The following TRRAP variants were observed in gnomAD, a reference collection of about 807,000 sequenced individuals.
The protein encoded by TRRAP is transformation/transcription domain-associated protein.
TRRAP carries 41 observed loss-of-function variants against 438.8 expected under a neutral mutation model. The observed-to-expected ratio is 0.09, with a 90% confidence interval of 0.07 to 0.12. TRRAP has a LOEUF of 0.12. TRRAP is among the 10% of genes least tolerant of loss of function. The pLI is 1.00. For synonymous variants in TRRAP, 1,994 were observed against 1,962.9 expected (o/e 1.02, Z -0.42); for missense variants, 3,122 against 5,055.1 (o/e 0.62, Z 11.60).
chr7:98,895,106 A>G (rs1213026680), intron 6 of TRRAP, among the ~76,000 whole-genome samples: 12 of 152,098 alleles, frequency 7.9e-5, no homozygotes, highest in African/African-American at 1.9e-4. Context: ...GAGTCTGTCT[A>G]TGTTGCCCAG....
At chr7:98,919,880 C>T (rs1176455001) in intron 20 of TRRAP, among the ~76,000 whole-genome samples, 2 of 152,176 alleles carry the variant, frequency 1.3e-5, no homozygotes, top group East Asian at 3.9e-4. Flanking sequence ...ACAGGGTCAG[C>T]CTCTCCCAGT....
chr7:98,892,622 A>G, intron 5 of TRRAP, 94 bp downstream of exon 5: 1 of 1,078,536 alleles, frequency 9.3e-7, no homozygotes, highest in Middle Eastern at 3.1e-4. Flanking sequence ...CAACTGTTTT[A>G]TCTTTCTCCC....
intron 1 of TRRAP, among the ~76,000 whole-genome samples, chr7:98,879,586 C>G (rs578160243): frequency 2.8e-4 from 42 of 152,304 alleles, no homozygotes; most frequent in African/African-American, 1.0e-3. Context: ...AGGGAGAGTC[C>G]GTGACCCCCA....
At chr7:98,991,167 A>G (rs1445751091) in intron 64 of TRRAP, among the ~76,000 whole-genome samples, 1 of 152,200 alleles carries the variant, frequency 6.6e-6, no homozygotes, top group Non-Finnish European at 1.5e-5. Flanking sequence ...TCTCTTGAGA[A>G]TGATTCCAGG....
chr7:99,004,841 G>GCT (rs984648409), intron 68 of TRRAP, among the ~76,000 whole-genome samples: 4 of 152,186 alleles, frequency 2.6e-5, no homozygotes, highest in African/African-American at 4.8e-5. Flanking sequence ...ACCAGACACA[G>GCT]CTCTGCTTTT....
In TRRAP at chr7:98,948,714, G is replaced by A. The variant is rs782238616; in HGVS notation, c.4788+29G>A. 1 of 1,613,894 alleles carries A rather than the reference G, an allele frequency of 6.2e-7. No homozygotes were observed. The highest frequency in any genetic ancestry group is 2.2e-5 in the East Asian group (1 of 44,882). On this transcript the variant is annotated intron_variant, in intron 35 of 72. Coordinates refer to ENST00000456197, the MANE Select transcript of TRRAP (RefSeq NM_001375524.1). The surrounding 1 kb of genome is among the most constrained non-coding windows in gnomAD (Gnocchi z 4.9). ...AGAGCTGTGAGCAGCTGGAGTCAGGGGTCCCTTCAAATGCTTGTGAGCTGT... is the reference window on the plus strand; with the variant it reads ...AGAGCTGTGAGCAGCTGGAGTCAGGAGTCCCTTCAAATGCTTGTGAGCTGT...
At chr7:98,986,499 T>G (rs1487199157) in intron 62 of TRRAP, among the ~76,000 whole-genome samples, 1 of 152,246 alleles carries the variant, frequency 6.6e-6, no homozygotes, top group East Asian at 1.9e-4. Context: ...TAAAATATAT[T>G]TCATTGTGGT....
chr7:98,961,514 G>A, intron 46 of TRRAP, 40 bp downstream of exon 46: 2 of 1,604,776 alleles, frequency 1.2e-6, no homozygotes, highest in Non-Finnish European at 1.7e-6. Context: ...TTTCAAAGTG[G>A]ACGGTGGGCG....
intron 47 of TRRAP, 26 bp downstream of exon 47, chr7:98,962,453 C>A (rs751348859): frequency 6.2e-7 from 1 of 1,613,372 alleles, no homozygotes; most frequent in African/African-American, 1.3e-5. Context: ...TCCTGGTGTT[C>A]GTGGTGGCTC....
rs147925605 is a variant in TRRAP, at chr7:98,949,657, C to T, written c.4954-3C>T. The T allele has an allele frequency of 2.0e-4, 323 of 1,610,222 alleles. 1 individual carries two copies. The African/African-American group carries it at 4.0e-3, about 20-fold the overall frequency. The stretch of plus-strand genomic sequence containing the variant: ...GGTTCCCTAATTATCTCTTCTTTGA[C>T]AGATCATAAGCATTATAGTGAAAAA... On this transcript the variant is annotated splice_region_variant and splice_polypyrimidine_tract_variant and intron_variant, in intron 36 of 72. Transcript: ENST00000456197.
intron 51 of TRRAP, among the ~76,000 whole-genome samples, chr7:98,969,536 C>T (rs1308423022): frequency 6.6e-6 from 1 of 152,250 alleles, no homozygotes; most frequent in Non-Finnish European, 1.5e-5. Flanking sequence ...GCAGGGCCCC[C>T]ATGGCACCCA....
At chr7:98,926,561 G>A (rs1030588366) in intron 22 of TRRAP, among the ~76,000 whole-genome samples, 1 of 152,130 alleles carries the variant, frequency 6.6e-6, no homozygotes, top group African/African-American at 2.4e-5. Flanking sequence ...ACAGAAATCT[G>A]CCACCAGCAC....
chr7:98,961,157 C>T (rs1791874721), intron 45 of TRRAP, 104 bp from the exon 46 acceptor site: 2 of 1,063,320 alleles, frequency 1.9e-6, no homozygotes, highest in South Asian at 1.4e-5. Flanking sequence ...ACTTAGTCTC[C>T]AAATAATTAA....
rs1207384757 is a variant in TRRAP, at chr7:98,964,668, C to T, written c.6869C>T (p.Pro2290Leu). ...CTCAAGTCTGCCTGCAGCAACAACC[C>T]CAGCTACATAGACAGGCTGATCTCC... ...MILKSACSNN[P>L]SYIDRLISVF... is the part of the protein sequence containing the mutation. Residue 2290 changes from proline (P) to leucine (L), a missense_variant, in exon 48 of 73, where the codon CCC (proline) becomes CTC (leucine). This residue lies in a region of TRRAP where 992 missense variants were observed against 1,281.2 expected (regional missense o/e 0.77). Transcript: ENST00000456197. 6.2e-7 allele frequency: 1 copy of T among 1,613,960 alleles called. No homozygotes were observed. The highest frequency in any genetic ancestry group is 8.5e-7 in the Non-Finnish European group (1 of 1,179,946).
At chr7:98,964,591 A>G (rs1371064570) in intron 47 of TRRAP, 38 bp from the exon 48 acceptor site, 5 of 1,598,360 alleles carry the variant, frequency 3.1e-6, no homozygotes, top group Non-Finnish European at 4.3e-6. Flanking sequence ...CGTGGTTGTT[A>G]CTTTTCTGTG....
At chr7:98,929,284 CATT>C (rs1790214789) in intron 23 of TRRAP, among the ~76,000 whole-genome samples, 1 of 152,134 alleles carries the variant, frequency 6.6e-6, no homozygotes, top group Non-Finnish European at 1.5e-5. Flanking sequence ...AGATGCATCT[CATT>C]ATGTTGCTCA....
At chr7:98,928,175 T>G (rs1584322382) in intron 23 of TRRAP, among the ~76,000 whole-genome samples, 1 of 151,482 alleles carries the variant, frequency 6.6e-6, no homozygotes, top group African/African-American at 2.4e-5. Context: ...GAGGCGGAGG[T>G]TGTGGTGAGC....
intron 67 of TRRAP, among the ~76,000 whole-genome samples, chr7:99,002,597 G>T (rs1182956276): frequency 6.6e-6 from 1 of 152,206 alleles, no homozygotes; most frequent in Non-Finnish European, 1.5e-5. Context: ...TCTGCTGGGG[G>T]ATCTCACCTT....
At chr7:98,984,017 T>G in intron 60 of TRRAP, 76 bp from the exon 61 acceptor site, 2 of 1,479,814 alleles carry the variant, frequency 1.4e-6, no homozygotes, top group Non-Finnish European at 1.8e-6. Context: ...GTGTTTCATT[T>G]TTTATTTAAG....
Sources: gnomAD v4.1 joint callset for allele counts (sites outside exome capture counted in the v4.1 genomes callset) on GRCh38, gnomAD v4.1.1 for gene constraint, gnomAD v4.1.1 regional missense constraint, Gnocchi (gnomAD v3.1) non-coding constraint, MANE v1.5 for transcripts, NCBI Gene and HGNC (gene_info 2026-07-23, HGNC 2026-07-21) for gene names.